The following KY variants were observed in gnomAD, a reference collection of about 807,000 sequenced individuals.
KY encodes kyphoscoliosis peptidase.
KY carries 43 observed loss-of-function variants against 76.1 expected under a neutral mutation model. That is an observed-to-expected ratio of 0.57 (90% CI 0.44 to 0.73). The LOEUF (loss-of-function observed/expected upper bound fraction) is 0.73. KY is among the 30% of genes least tolerant of loss of function. KY has a pLI of 0.00. For synonymous variants in KY, 277 were observed against 326.2 expected, an observed-to-expected ratio of 0.85 and a Z score of 1.63; for missense variants, 722 against 828.9, an observed-to-expected ratio of 0.87 and a Z score of 1.58.
At chr3:134,648,800 A>C (rs1447713543) in intron 1 of KY, among the ~76,000 whole-genome samples, 3 of 152,190 alleles carry the variant, frequency 2.0e-5, no homozygotes, top group Non-Finnish European at 4.4e-5. Context: ...GCATTGCAAC[A>C]ATAATTGAGC....
chr3:134,648,216 G>T (rs1303449744), intron 1 of KY, among the ~76,000 whole-genome samples: 1 of 152,200 alleles, frequency 6.6e-6, no homozygotes, highest in African/African-American at 2.4e-5. Context: ...GGCCGAGGAG[G>T]TTTCCTCACT....
intron 3 of KY, among the ~76,000 whole-genome samples, chr3:134,638,920 G>A (rs933059897): frequency 2.0e-5 from 3 of 152,200 alleles, no homozygotes; most frequent in Admixed American, 2.0e-4. Flanking sequence ...GTGTGTGTGT[G>A]TGCATGTGCA....
chr3:134,623,529 G>A, intron 6 of KY, among the ~76,000 whole-genome samples: 1 of 151,812 alleles, frequency 6.6e-6, no homozygotes, highest in Non-Finnish European at 1.5e-5. Context: ...TTCCTTTCCT[G>A]GCTGCTCCAT....
intron 8 of KY, among the ~76,000 whole-genome samples, chr3:134,615,916 G>C (rs147549329): frequency 1.4e-4 from 22 of 152,356 alleles, no homozygotes; most frequent in African/African-American, 4.6e-4. Context: ...TGGAAAGCCA[G>C]CTGACATCTG....
At chr3:134,620,728 A>T in intron 7 of KY, 21 bp downstream of exon 7, 1 of 1,583,838 alleles carries the variant, frequency 6.3e-7, no homozygotes, top group East Asian at 2.2e-5. Context: ...CTAGAGCCAG[A>T]AATTCCACAG....
In KY at chr3:134,604,361, A is replaced by G. The variant is rs1168671214; in HGVS notation, c.1204T>C (p.Leu402=). 1 of 1,613,888 alleles carries G rather than the reference A, an allele frequency of 6.2e-7. No homozygotes were observed. Among genetic ancestry groups the G allele is most frequent in the African/African-American group, 1.3e-5 (1 of 74,996 alleles). The change falls in exon 11 of 11, where the codon TTG becomes CTG. Residue 402 remains leucine (L), a synonymous_variant. Transcript: ENST00000423778. ...CCCATGGTTGGAGGGTACACCTCCA[A>G]CTTCATCCCATTCTTCCTTAGGCTC... is the stretch of plus-strand genomic sequence containing the variant. The part of the protein sequence containing the change: ...LLSLRKNGMK[L]EVYPPTMGTH...
At chr3:134,635,268 G>A (rs181884715) in intron 3 of KY, among the ~76,000 whole-genome samples, 4 of 152,014 alleles carry the variant, frequency 2.6e-5, no homozygotes, top group Non-Finnish European at 5.9e-5. Flanking sequence ...AGGCCGAGGT[G>A]GGTGGATCAC....
At chr3:134,607,948 C>G in intron 10 of KY, 5 of 996,598 alleles carry the variant, frequency 5.0e-6, no homozygotes, top group Non-Finnish European at 6.0e-6. Context: ...GTGTCCCCGC[C>G]TCTCCTCTGC....
chr3:134,615,138 C>G (rs1320388092), intron 8 of KY: 4 of 152,252 alleles, frequency 2.6e-5, no homozygotes, highest in African/African-American at 9.7e-5. Flanking sequence ...ACTACCCTTA[C>G]AGCTACGTCA....
chr3:134,648,282 C>A (rs1193744524), intron 1 of KY, among the ~76,000 whole-genome samples: 1 of 152,198 alleles, frequency 6.6e-6, no homozygotes, highest in Non-Finnish European at 1.5e-5. Flanking sequence ...AGCCTTGAGT[C>A]TTATTCTCCA....
intron 1 of KY, among the ~76,000 whole-genome samples, chr3:134,649,377 C>A (rs1159409186): frequency 6.6e-6 from 1 of 152,102 alleles, no homozygotes; most frequent in Non-Finnish European, 1.5e-5. Flanking sequence ...GTGTCAGAGC[C>A]TTTAGAAGTG....
At chr3:134,627,922 T>C in intron 4 of KY, 104 bp from the exon 5 acceptor site, 1 of 835,262 alleles carries the variant, frequency 1.2e-6, no homozygotes, top group Admixed American at 2.0e-5. Flanking sequence ...CCCCTCCTCT[T>C]TACTCTCCTT....
At chr3:134,621,723 C>G (rs954978145) in intron 6 of KY, among the ~76,000 whole-genome samples, 3 of 151,916 alleles carry the variant, frequency 2.0e-5, no homozygotes, top group African/African-American at 7.3e-5. Context: ...AAAGGGCATT[C>G]GTGAAAATAA....
At chr3:134,610,530 A>C in intron 8 of KY, 147 bp from the exon 9 acceptor site, 1 of 668,200 alleles carries the variant, frequency 1.5e-6, no homozygotes, top group Non-Finnish European at 2.5e-6. Flanking sequence ...ACATATAAAC[A>C]GCCTTGATGG....
chr3:134,609,350 T>TGA (rs1316224152), intron 9 of KY, among the ~76,000 whole-genome samples: 1 of 152,084 alleles, frequency 6.6e-6, no homozygotes, highest in East Asian at 1.9e-4. Flanking sequence ...AGGCCCTTCC[T>TGA]GAGATGGGGG....
intron 3 of KY, among the ~76,000 whole-genome samples, chr3:134,641,936 CT>C (rs1206865320): frequency 4.6e-5 from 7 of 151,972 alleles, no homozygotes; most frequent in Non-Finnish European, 7.4e-5. Flanking sequence ...TCTCTGAGTC[CT>C]TTTTTTTGTG....
chr3:134,607,755 CAT>C lies in KY; in HGVS notation c.1090+892_1090+893del, dbSNP rs1012182029. On this transcript the variant is annotated intron_variant, in intron 10 of 10. Coordinates refer to ENST00000423778, the MANE Select transcript of KY (RefSeq NM_178554.6). ...CTCCGTGGTGAAGGTTGGGAGAGCACATGTCAGCCCAGGCCAGCCATGGGAGA... is the reference window on the plus strand; with the variant it reads ...CTCCGTGGTGAAGGTTGGGAGAGCACGTCAGCCCAGGCCAGCCATGGGAGA... The C allele has an allele frequency of 4.1e-6, 4 of 985,884 alleles. No homozygotes were observed. The African/African-American group carries it at 7.0e-5, about 17-fold the overall frequency. 61.1% of individuals were successfully genotyped at this position (985,884 alleles called of 1,614,324 possible).
intron 2 of KY, among the ~76,000 whole-genome samples, chr3:134,645,621 A>G (rs747050023): frequency 6.6e-6 from 1 of 152,244 alleles, no homozygotes; most frequent in Non-Finnish European, 1.5e-5. Context: ...TGAAAAATAA[A>G]TGAAATTTCG....
chr3:134,603,430 CCTGTGGCAGAGGTGGGACA>C lies in KY; in HGVS notation c.*130_*148del. 1 of 687,088 alleles carries C rather than the reference CCTGTGGCAGAGGTGGGACA, an allele frequency of 1.5e-6. No homozygotes were observed. The highest frequency in any genetic ancestry group is 2.6e-5 in the East Asian group (1 of 37,880). 42.6% of individuals were successfully genotyped at this position (687,088 alleles called of 1,614,324 possible). On this transcript the variant is annotated 3_prime_UTR_variant, in exon 11 of 11. Coordinates refer to ENST00000423778, the MANE Select transcript of KY (RefSeq NM_178554.6). ...CCTTCAGAACACAAAGATCACAGCT[CCTGTGGCAGAGGTGGGACA>C]CTGAGGCAGAGGCCTAGAAGGGATT...
Sources: allele counts gnomAD v4.1 joint callset (sites outside exome capture counted in the v4.1 genomes callset), GRCh38; gene constraint gnomAD v4.1.1; transcripts MANE v1.5; gene names NCBI Gene and HGNC (gene_info 2026-07-23, HGNC 2026-07-21).